Variants in STON1 observed in about 807,000 individuals in gnomAD.
STON1 encodes stonin-1.
In STON1, 79 loss-of-function variants were observed where a neutral mutation model predicts 60.9. The observed-to-expected ratio is 1.30, with a 90% CI of 1.08 to 1.56. The LOEUF (loss-of-function observed/expected upper bound fraction) is 1.56, where lower values mean the gene tolerates loss of function less well. STON1 is among the 40% of genes most tolerant of loss of function. STON1 has a pLI of 0.00. For missense variants in STON1, 1,166 were observed against 858.9 expected (o/e 1.36, Z -4.47); for synonymous variants, 363 against 306.9 (o/e 1.18, Z -1.91).
At chr2:48,561,895 C>CT (rs1672628890) in intron 1 of STON1, among the ~76,000 whole-genome samples, 1 of 152,218 alleles carries the variant, frequency 6.6e-6, no homozygotes, top group South Asian at 2.1e-4. Flanking sequence ...GAGTCTCACT[C>CT]TGTCACCCAG....
chr2:48,537,336 T>C (rs1671468854), intron 1 of STON1, among the ~76,000 whole-genome samples: 2 of 152,214 alleles, frequency 1.3e-5, no homozygotes, highest in African/African-American at 2.4e-5. Context: ...TGACAGTATA[T>C]ATTTTACTTA....
At chr2:48,536,059 C>G (rs1021798355) in intron 1 of STON1, among the ~76,000 whole-genome samples, 1 of 152,036 alleles carries the variant, frequency 6.6e-6, no homozygotes, top group African/African-American at 2.4e-5. Context: ...TGCACTCCAG[C>G]CTGGGTGACA....
At chr2:48,585,496 G>A (rs1369973630) in intron 2 of STON1, among the ~76,000 whole-genome samples, 2 of 152,040 alleles carry the variant, frequency 1.3e-5, no homozygotes, top group Non-Finnish European at 2.9e-5. Flanking sequence ...TGATCCACCC[G>A]CCTCGGCCTC....
intron 1 of STON1, among the ~76,000 whole-genome samples, chr2:48,540,951 G>A (rs1295800086): frequency 6.6e-6 from 1 of 152,134 alleles, no homozygotes; most frequent in African/African-American, 2.4e-5. Flanking sequence ...GGAAAAACAT[G>A]GTTAGAGAGT....
At chr2:48,537,747 G>A (rs1671486416) in intron 1 of STON1, among the ~76,000 whole-genome samples, 1 of 151,670 alleles carries the variant, frequency 6.6e-6, no homozygotes, top group Admixed American at 6.6e-5. Flanking sequence ...CTACTCGGGA[G>A]GCTGAGGCAC....
At chr2:48,540,795 T>C (rs1390214283) in intron 1 of STON1, among the ~76,000 whole-genome samples, 1 of 152,110 alleles carries the variant, frequency 6.6e-6, no homozygotes, top group Non-Finnish European at 1.5e-5. Flanking sequence ...GCCCTCAGCC[T>C]ATGGGATCTG....
intron 1 of STON1, among the ~76,000 whole-genome samples, chr2:48,546,376 C>G (rs917895526): frequency 2.0e-5 from 3 of 152,210 alleles, no homozygotes; most frequent in South Asian, 4.1e-4. Flanking sequence ...TCTTTGCACA[C>G]ACACTCAGCT....
At chr2:48,543,604 T>C (rs1263456146) in intron 1 of STON1, among the ~76,000 whole-genome samples, 1 of 150,104 alleles carries the variant, frequency 6.7e-6, no homozygotes, top group Non-Finnish European at 1.5e-5. Context: ...GGATCTCGGC[T>C]CACTGCAACC....
rs759360288 is a variant in STON1, at chr2:48,580,613, GACCACA to G, written c.-19_-14del. On this transcript the variant is annotated 5_prime_UTR_variant, in exon 2 of 4. Coordinates refer to ENST00000404752, the MANE Select transcript of STON1 (RefSeq NM_006873.4). Reference sequence around the variant, plus strand: ...GTCAACCTATTTGATTTCTTGACAAGACCACAATCTGATCCCAAAGATGTGCTCCAC... The same window carrying G: ...GTCAACCTATTTGATTTCTTGACAAGATCTGATCCCAAAGATGTGCTCCAC... 5 of 1,330,786 alleles carry G rather than the reference GACCACA, an allele frequency of 3.8e-6. No homozygotes were observed. The highest frequency in any genetic ancestry group is 3.0e-5 in the Admixed American group (1 of 32,992). The allele number at this position is 1,330,786 out of a possible 1,614,324, so 82.4% of individuals were successfully genotyped here. A position where few individuals can be genotyped will look rare whatever the true frequency, so the allele number is the denominator to read the frequency against.
chr2:48,548,290 C>T (rs1671942757), intron 1 of STON1, among the ~76,000 whole-genome samples: 1 of 152,160 alleles, frequency 6.6e-6, no homozygotes, highest in Non-Finnish European at 1.5e-5. Flanking sequence ...ATGCTTATGC[C>T]ACCTCAGGTG....
At chr2:48,564,483 C>CTTTG in intron 1 of STON1, among the ~76,000 whole-genome samples, 1 of 26,396 alleles carries the variant, frequency 3.8e-5, no homozygotes, top group Admixed American at 3.4e-4. Context: ...CTTCTTCTTT[C>CTTTG]TTCTTCTTCT....
intron 1 of STON1, among the ~76,000 whole-genome samples, chr2:48,553,580 C>G (rs577374862): frequency 2.6e-5 from 4 of 151,956 alleles, no homozygotes; most frequent in Non-Finnish European, 4.4e-5. Flanking sequence ...CTCTGCCTCC[C>G]GGGTTCAAGC....
At chr2:48,542,103 G>A (rs1447226747) in intron 1 of STON1, among the ~76,000 whole-genome samples, 1 of 152,214 alleles carries the variant, frequency 6.6e-6, no homozygotes, top group Non-Finnish European at 1.5e-5. Flanking sequence ...TGCTGGGCAT[G>A]CATGTGTACG....
At chr2:48,565,290 G>A (rs1423332015) in intron 1 of STON1, among the ~76,000 whole-genome samples, 1 of 151,918 alleles carries the variant, frequency 6.6e-6, no homozygotes, top group Non-Finnish European at 1.5e-5. Flanking sequence ...CTGACCTCGT[G>A]ATCCACCCGC....
rs2103958754 is a variant in STON1 at position 48,591,742 on chromosome 2, C to T, written c.2020C>T (p.Gln674Ter). 6.2e-7 allele frequency: 1 copy of T among 1,614,170 alleles called. No homozygotes were observed. ...TGATTGGTATCCATTTGCTACTGTT[C>T]AGTTTTCCGTGCCTGACACCTGTGC... ...PSDWYPFATV[Q>*]FSVPDTCASR... is the part of the protein sequence containing the mutation. The change falls in exon 3 of 4, where the codon CAG (glutamine) becomes TAG (stop). Residue 674 changes from glutamine (Q) to a stop codon, truncating the protein, a stop_gained. Transcript: ENST00000404752. LOFTEE classifies it high-confidence loss of function.
chr2:48,545,428 G>C (rs1671827639), intron 1 of STON1, among the ~76,000 whole-genome samples: 1 of 152,194 alleles, frequency 6.6e-6, no homozygotes, highest in Non-Finnish European at 1.5e-5. Context: ...GGCGCGCACA[G>C]ACCCCGGCCA....
chr2:48,572,549 T>C (rs1247374812), intron 1 of STON1, among the ~76,000 whole-genome samples: 2 of 152,204 alleles, frequency 1.3e-5, no homozygotes, highest in African/African-American at 4.8e-5. Context: ...CTCCTGCTTA[T>C]GGAAATCAGT....
chr2:48,543,956 G>A (rs1342994608), intron 1 of STON1, among the ~76,000 whole-genome samples: 1 of 152,204 alleles, frequency 6.6e-6, no homozygotes, highest in African/African-American at 2.4e-5. Context: ...TTGAGGAGTA[G>A]GTGGGGGTAG....
At chr2:48,563,279 T>C (rs1196512148) in intron 1 of STON1, among the ~76,000 whole-genome samples, 1 of 152,170 alleles carries the variant, frequency 6.6e-6, no homozygotes, top group East Asian at 1.9e-4. Flanking sequence ...CCAGGTGCCA[T>C]TCTCAATGCC....
Sources: gnomAD v4.1 joint callset for allele counts (sites outside exome capture counted in the v4.1 genomes callset) on GRCh38, gnomAD v4.1.1 for gene constraint, MANE v1.5 for transcripts, NCBI Gene and HGNC (gene_info 2026-07-23, HGNC 2026-07-21) for gene names.